The following GPC3 variants were observed in gnomAD, a reference collection of about 807,000 sequenced individuals.
GPC3 encodes glypican-3.
A neutral mutation model predicts 34.4 loss-of-function variants in GPC3; 3 were observed. That is an observed-to-expected ratio of 0.09 (90% CI 0.04 to 0.23). The LOEUF (loss-of-function observed/expected upper bound fraction) is 0.23. GPC3 is among the 10% of genes least tolerant of loss of function. The probability of loss-of-function intolerance (pLI) is 1.00; values close to 1 mark genes in which losing one functional copy is unlikely to be tolerated. For synonymous variants in GPC3, 177 were observed against 174.0 expected (o/e 1.02, Z -0.13); for missense variants, 351 against 445.6 (o/e 0.79, Z 1.91).
intron 1 of GPC3, among the ~76,000 whole-genome samples, chrX:133,953,924 A>G (rs1017388661): frequency 8.9e-6 from 1 of 112,399 alleles, no homozygotes; most frequent in Non-Finnish European, 1.9e-5. Context: ...AGAAAGTAAA[A>G]CAAAGTAAGG....
intron 7 of GPC3, 44 bp downstream of exon 7, chrX:133,596,396 A>ATTT: frequency 8.9e-7 from 1 of 1,122,105 alleles, no homozygotes; most frequent in Non-Finnish European, 1.2e-6. Context: ...ATTCCTGAGC[A>ATTT]TCACCATTTT....
At chrX:133,630,548 C>T (rs1024875348) in intron 6 of GPC3, among the ~76,000 whole-genome samples, 7 of 111,752 alleles carry the variant, frequency 6.3e-5, no homozygotes, top group East Asian at 5.6e-4. Flanking sequence ...AATGAAATTA[C>T]GAAACTCTAT....
At chrX:133,582,620 A>C (rs2069742336) in intron 7 of GPC3, among the ~76,000 whole-genome samples, 1 of 112,229 alleles carries the variant, frequency 8.9e-6, no homozygotes, top group African/African-American at 3.2e-5. Context: ...TGTGGCTTGT[A>C]TTTTATAGGG....
At chrX:133,615,223 C>T (rs2070148739) in intron 6 of GPC3, among the ~76,000 whole-genome samples, 1 of 111,078 alleles carries the variant, frequency 9.0e-6, no homozygotes, top group Non-Finnish European at 1.9e-5. Context: ...ACACTAAAAC[C>T]AGGCAAAGAC....
At chrX:133,567,350 T>G (rs1378574048) in intron 7 of GPC3, among the ~76,000 whole-genome samples, 1 of 112,427 alleles carries the variant, frequency 8.9e-6, no homozygotes, top group African/African-American at 3.2e-5. Flanking sequence ...CAGAGTAATG[T>G]CCCACACGTT....
intron 3 of GPC3, among the ~76,000 whole-genome samples, chrX:133,739,915 C>T (rs1033540473): frequency 1.1e-4 from 12 of 111,238 alleles, no homozygotes. Flanking sequence ...GAGAAAGTCA[C>T]ATTTTAACTC....
intron 2 of GPC3, among the ~76,000 whole-genome samples, chrX:133,826,045 G>C (rs1321138233): frequency 9.0e-6 from 1 of 111,615 alleles, no homozygotes; most frequent in Non-Finnish European, 1.9e-5. Flanking sequence ...ACAAACACTG[G>C]GGAAGGGAAA....
chrX:133,621,463 C>T (rs1284883888), intron 6 of GPC3, among the ~76,000 whole-genome samples: 1 of 112,111 alleles, frequency 8.9e-6, no homozygotes, highest in Non-Finnish European at 1.9e-5. Flanking sequence ...TAATAGTGTG[C>T]TTTTCCAATG....
intron 6 of GPC3, among the ~76,000 whole-genome samples, chrX:133,617,398 C>CT (rs2070179296): frequency 1.8e-5 from 2 of 112,554 alleles, no homozygotes; most frequent in South Asian, 7.4e-4. Flanking sequence ...AGTTTAATGG[C>CT]TGTGTGCCCT....
chrX:133,693,156 AGTGTGTGTGTGTGTGTGT>A (rs57735935), intron 4 of GPC3, among the ~76,000 whole-genome samples: 1,042 of 89,394 alleles, frequency 0.012, 13 homozygotes, highest in African/African-American at 0.036. Context: ...TAATAAGACA[AGTGTGTGTGTGTGTGTGT>A]GTGTGTGTGT....
intron 6 of GPC3, among the ~76,000 whole-genome samples, chrX:133,624,307 TCAGAG>T (rs1168206334): frequency 2.7e-5 from 3 of 110,927 alleles, no homozygotes; most frequent in African/African-American, 9.8e-5. Flanking sequence ...ATAACTAAGA[TCAGAG>T]CAGAACTGAA....
chrX:133,584,047 T>C (rs1340482951), intron 7 of GPC3, among the ~76,000 whole-genome samples: 5 of 111,141 alleles, frequency 4.5e-5, no homozygotes, highest in African/African-American at 1.6e-4. Flanking sequence ...CTCAGCTGAG[T>C]CCTTACTCCT....
intron 2 of GPC3, among the ~76,000 whole-genome samples, chrX:133,765,932 A>G (rs1330551814): frequency 8.9e-6 from 1 of 111,821 alleles, no homozygotes; most frequent in African/African-American, 3.2e-5. Flanking sequence ...AGTCATTCAT[A>G]TACTTAACAA....
chrX:133,795,708 G>C (rs2075575071), intron 2 of GPC3, among the ~76,000 whole-genome samples: 1 of 110,798 alleles, frequency 9.0e-6, no homozygotes, highest in South Asian at 3.8e-4. Flanking sequence ...CTTTTGAAAA[G>C]CATATTATGT....
intron 5 of GPC3, among the ~76,000 whole-genome samples, chrX:133,689,298 A>G (rs1181408531): frequency 1.8e-5 from 2 of 111,809 alleles, no homozygotes; most frequent in African/African-American, 6.5e-5. Flanking sequence ...CAATACCCTA[A>G]GGCTTAAAGC....
At chrX:133,945,595 A>G (rs1386328475) in intron 2 of GPC3, among the ~76,000 whole-genome samples, 1 of 108,545 alleles carries the variant, frequency 9.2e-6, no homozygotes, top group African/African-American at 3.4e-5. Flanking sequence ...AGTGAATTTT[A>G]ATACAAAAAT....
At chrX:133,920,552 A>G (rs150544079) in intron 2 of GPC3, among the ~76,000 whole-genome samples, 158 of 111,840 alleles carry the variant, frequency 1.4e-3, no homozygotes, top group Admixed American at 6.2e-3. Flanking sequence ...ACATATTAAC[A>G]ATCACATTTA....
rs748391795 is a variant in GPC3 at position 133,754,172 on chromosome X, G to A, written c.342C>T (p.Ala114=). Residue 114 remains alanine, a synonymous_variant, in exon 3 of 8, where the codon GCC becomes GCT. Coordinates refer to ENST00000370818, the MANE Select transcript of GPC3 (RefSeq NM_004484.4). ...IIQNAAVFQE[A]FEIVVRHAKN... is the part of the protein sequence containing the mutation. Reference sequence around the variant, plus strand: ...TGGCATGGCGAACAACAATTTCAAAGGCCTCTGTAAAAAAAAAAAAAAAAG... The same window carrying A: ...TGGCATGGCGAACAACAATTTCAAAAGCCTCTGTAAAAAAAAAAAAAAAAG... 2 of 1,135,308 alleles carry A rather than the reference G, an allele frequency of 1.8e-6. No individual in the cohort carries two copies. Among genetic ancestry groups the A allele is most frequent in the East Asian group, 6.0e-5 (2 of 33,291 alleles). The allele number at this position is 1,135,308 out of a possible 1,213,427, so 93.6% of individuals were successfully genotyped here.
chrX:133,791,565 T>C (rs1410754709), intron 2 of GPC3, among the ~76,000 whole-genome samples: 1 of 111,383 alleles, frequency 9.0e-6, no homozygotes, highest in Non-Finnish European at 1.9e-5. Context: ...AGTAAGAACA[T>C]TGGCTTTGGA....
Sources: allele counts gnomAD v4.1 joint callset (sites outside exome capture counted in the v4.1 genomes callset), GRCh38; gene constraint gnomAD v4.1.1; transcripts MANE v1.5; gene names NCBI Gene and HGNC (gene_info 2026-07-23, HGNC 2026-07-21).